The following EYS variants were observed in gnomAD, a reference collection of about 807,000 sequenced individuals.
EYS encodes protein eyes shut homolog.
Under a neutral mutation model 282.1 loss-of-function variants are expected in EYS, and 250 were observed. That is an observed-to-expected ratio of 0.89 (90% CI 0.80 to 0.98). The LOEUF (loss-of-function observed/expected upper bound fraction) is 0.98, where lower values mean the gene tolerates loss of function less well. EYS is among the 50% of genes least tolerant of loss of function. EYS has a pLI of 0.00. For missense variants in EYS, 4,016 were observed against 3,709.0 expected (o/e 1.08, Z -2.15); for synonymous variants, 1,355 against 1,282.9 (o/e 1.06, Z -1.20).
chr6:63,747,775 G>T (rs573281200), intron 41 of EYS, among the ~76,000 whole-genome samples: 1 of 152,110 alleles, frequency 6.6e-6, no homozygotes, highest in South Asian at 2.1e-4. Context: ...TGCAACCTCT[G>T]CTTATTTTTG....
intron 14 of EYS, among the ~76,000 whole-genome samples, chr6:64,978,786 A>G (rs1770557429): frequency 1.3e-5 from 2 of 151,914 alleles, no homozygotes; most frequent in Admixed American, 1.3e-4. Flanking sequence ...GAGGGATTCA[A>G]TACTTCAGTG....
intron 35 of EYS, among the ~76,000 whole-genome samples, chr6:63,896,873 T>C (rs1430550295): frequency 6.6e-6 from 1 of 152,220 alleles, no homozygotes; most frequent in African/African-American, 2.4e-5. Context: ...TCTATTTTTT[T>C]CACGTCTCAA....
intron 11 of EYS, chr6:65,332,392 G>T: frequency 8.5e-7 from 1 of 1,174,672 alleles, no homozygotes; most frequent in Non-Finnish European, 1.2e-6. Flanking sequence ...TGAATTTGGT[G>T]TGGTATCACC....
At chr6:64,884,316 T>A (rs1024481796) in intron 19 of EYS, among the ~76,000 whole-genome samples, 20 of 151,582 alleles carry the variant, frequency 1.3e-4, no homozygotes, top group Non-Finnish European at 3.0e-4. Context: ...TACATTCAAA[T>A]TTTGTTTTTT....
At chr6:64,503,960 G>A (rs753119915) in intron 26 of EYS, among the ~76,000 whole-genome samples, 1 of 152,078 alleles carries the variant, frequency 6.6e-6, no homozygotes. Flanking sequence ...CTCCACCACG[G>A]TAAGATGTGA....
chr6:63,778,458 A>C (rs773033246), intron 39 of EYS, among the ~76,000 whole-genome samples: 2 of 152,142 alleles, frequency 1.3e-5, no homozygotes, highest in Non-Finnish European at 2.9e-5. Flanking sequence ...ACAAAAATGC[A>C]ATCTGCACTA....
intron 40 of EYS, among the ~76,000 whole-genome samples, chr6:63,774,471 C>T (rs1445357332): frequency 6.6e-6 from 1 of 152,108 alleles, no homozygotes; most frequent in African/African-American, 2.4e-5. Flanking sequence ...GACAGGGCTA[C>T]ACTGTGTTTT....
intron 6 of EYS, among the ~76,000 whole-genome samples, chr6:65,404,624 T>C (rs1766648461): frequency 6.6e-6 from 1 of 151,980 alleles, no homozygotes; most frequent in African/African-American, 2.4e-5. Context: ...AACTTTTATC[T>C]GTATATTATG....
At chr6:65,409,359 T>G (rs1353700067) in intron 5 of EYS, among the ~76,000 whole-genome samples, 1 of 152,192 alleles carries the variant, frequency 6.6e-6, no homozygotes, top group African/African-American at 2.4e-5. Flanking sequence ...GTGTTTCACT[T>G]CACAGTTAAC....
intron 31 of EYS, among the ~76,000 whole-genome samples, chr6:64,096,925 G>A (rs1024677932): frequency 6.6e-6 from 1 of 152,162 alleles, no homozygotes; most frequent in African/African-American, 2.4e-5. Flanking sequence ...TACAGATGGG[G>A]TTTTGGTGTG....
intron 15 of EYS, among the ~76,000 whole-genome samples, chr6:64,923,371 C>T (rs1047527882): frequency 4.6e-5 from 7 of 152,142 alleles, no homozygotes; most frequent in Admixed American, 3.3e-4. Flanking sequence ...ATTACCTCCC[C>T]CTGGGTCCCT....
At chr6:64,014,358 T>C (rs1768787059) in intron 33 of EYS, among the ~76,000 whole-genome samples, 2 of 152,030 alleles carry the variant, frequency 1.3e-5, no homozygotes, top group African/African-American at 4.8e-5. Flanking sequence ...GCCTTAACAT[T>C]AAGTATGTAG....
At chr6:64,628,039 C>T (rs781356809) in intron 22 of EYS, among the ~76,000 whole-genome samples, 1 of 152,150 alleles carries the variant, frequency 6.6e-6, no homozygotes, top group Non-Finnish European at 1.5e-5. Flanking sequence ...CAGATCACGC[C>T]ACTGCACTCC....
intron 11 of EYS, among the ~76,000 whole-genome samples, chr6:65,309,084 A>T (rs977403342): frequency 6.6e-6 from 1 of 152,144 alleles, no homozygotes; most frequent in Non-Finnish European, 1.5e-5. Flanking sequence ...AATTAGAAAA[A>T]ACTAGTGTGG....
intron 37 of EYS, among the ~76,000 whole-genome samples, chr6:63,795,278 A>T (rs535743648): frequency 6.6e-6 from 1 of 152,356 alleles, no homozygotes; most frequent in Non-Finnish European, 1.5e-5. Flanking sequence ...CTCATAATGC[A>T]CCAAGAATAG....
Position 64,593,113 on chromosome 6 carries a change from T to G in EYS, c.3877+4A>C. 3 of 1,511,068 alleles carry G rather than the reference T, an allele frequency of 2.0e-6. No individual in the cohort carries two copies. The highest frequency in any genetic ancestry group is 2.6e-6 in the Non-Finnish European group (3 of 1,132,306). 93.6% of individuals were successfully genotyped at this position (1,511,068 alleles called of 1,614,324 possible). A position where few individuals can be genotyped will look rare whatever the true frequency, so the allele number is the denominator to read the frequency against. On this transcript the variant is annotated splice_donor_region_variant and intron_variant, in intron 25 of 42. Transcript: ENST00000503581. ...TTCTTAATATCTTACCCACTTCTAC[T>G]TACCTTGATCAACTGGGTAAGTGTC...
At chr6:64,320,292 TC>T (rs1207591605) in intron 29 of EYS, among the ~76,000 whole-genome samples, 1 of 151,948 alleles carries the variant, frequency 6.6e-6, no homozygotes, top group Non-Finnish European at 1.5e-5. Context: ...TATTTATCTC[TC>T]CATCTTTTGG....
Position 65,402,967 on chromosome 6 carries a change from G to A in EYS, c.1057-362C>T, listed in dbSNP as rs75930658. Among the ~76,000 whole-genome samples, 9 of 152,156 alleles carry A rather than the reference G, an allele frequency of 5.9e-5. No individual in the cohort carries two copies. In the South Asian group the frequency reaches 1.2e-3, roughly 21 times the overall value. ...CCCAGCCACCATGCTCTCAGGAAGC[G>A]CAGGCCACATGGAGAAATCATGTTT... On this transcript the variant is annotated intron_variant, in intron 6 of 42. Coordinates refer to ENST00000503581, the MANE Select transcript of EYS (RefSeq NM_001142800.2).
intron 5 of EYS, among the ~76,000 whole-genome samples, chr6:65,453,424 GA>G (rs1764479826): frequency 6.6e-6 from 1 of 151,874 alleles, no homozygotes; most frequent in African/African-American, 2.4e-5. Context: ...ACATATTTAT[GA>G]GGTACACTTT....
Sources: allele counts gnomAD v4.1 joint callset (sites outside exome capture counted in the v4.1 genomes callset), GRCh38; gene constraint gnomAD v4.1.1; transcripts MANE v1.5; gene names NCBI Gene and HGNC (gene_info 2026-07-23, HGNC 2026-07-21).